The following DLG2 variants were observed in gnomAD, a reference collection of about 807,000 sequenced individuals.
DLG2 encodes discs large MAGUK scaffold protein 2, also known as disks large homolog 2.
DLG2 carries 45 observed loss-of-function variants against 132.5 expected under a neutral mutation model. The ratio of observed to expected loss-of-function variants is 0.34; its 90% CI spans 0.27 to 0.44. The LOEUF is 0.44. Ranked by LOEUF, DLG2 falls within the 20% of genes least tolerant of loss-of-function variation. The pLI, the probability that DLG2 is intolerant of heterozygous loss-of-function variation, is 1.00. For synonymous variants in DLG2, 424 were observed against 419.6 expected (o/e 1.01, Z -0.13); for missense variants, 1,045 against 1,196.9 (o/e 0.87, Z 1.87).
At chr11:85,243,251 G>T (rs1289380910) in intron 4 of DLG2, among the ~76,000 whole-genome samples, 1 of 151,808 alleles carries the variant, frequency 6.6e-6, no homozygotes, top group Non-Finnish European at 1.5e-5. Context: ...TGCTAATTTT[G>T]CATTTCATTA....
At chr11:84,922,030 T>C (rs367870753) in intron 6 of DLG2, among the ~76,000 whole-genome samples, 2 of 152,174 alleles carry the variant, frequency 1.3e-5, no homozygotes, top group East Asian at 3.9e-4. Flanking sequence ...GAAATTCAAA[T>C]AGAAAACAGA....
chr11:83,994,095 C>A (rs1438362717), intron 11 of DLG2, among the ~76,000 whole-genome samples: 1 of 152,134 alleles, frequency 6.6e-6, no homozygotes, highest in Non-Finnish European at 1.5e-5. Flanking sequence ...CTGACCACAT[C>A]TAACGGTTTA....
At chr11:84,378,091 T>C (rs2098736144) in intron 7 of DLG2, among the ~76,000 whole-genome samples, 1 of 152,186 alleles carries the variant, frequency 6.6e-6, no homozygotes, top group African/African-American at 2.4e-5. Context: ...TCCAAATTCA[T>C]ATATTGAAGC....
intron 6 of DLG2, among the ~76,000 whole-genome samples, chr11:84,573,553 C>G (rs1422520916): frequency 4.6e-5 from 7 of 151,892 alleles, no homozygotes; most frequent in Non-Finnish European, 1.0e-4. Context: ...TCAGATACTG[C>G]TGAGAAAAAA....
chr11:85,539,960 C>T (rs572974327), intron 3 of DLG2, among the ~76,000 whole-genome samples: 3 of 152,166 alleles, frequency 2.0e-5, no homozygotes, highest in African/African-American at 4.8e-5. Flanking sequence ...TTTGCGAGTG[C>T]AAAAACATCT....
chr11:84,456,010 G>A (rs983878949), intron 7 of DLG2, among the ~76,000 whole-genome samples: 4 of 151,234 alleles, frequency 2.6e-5, no homozygotes, highest in African/African-American at 9.7e-5. Flanking sequence ...CCATGAAAAT[G>A]AGCATAACCC....
intron 9 of DLG2, among the ~76,000 whole-genome samples, chr11:84,106,813 C>A (rs2092947096): frequency 1.5e-5 from 2 of 132,824 alleles, no homozygotes; most frequent in African/African-American, 5.3e-5. Context: ...AGATTATTAT[C>A]TGTGTGTGTG....
chr11:84,134,105 G>T (rs562350165), intron 9 of DLG2, among the ~76,000 whole-genome samples: 1 of 152,004 alleles, frequency 6.6e-6, no homozygotes, highest in African/African-American at 2.4e-5. Context: ...AGCTACAAAA[G>T]ATACTACCCT....
At chr11:85,467,467 A>G (rs1165644007) in intron 3 of DLG2, among the ~76,000 whole-genome samples, 3 of 152,126 alleles carry the variant, frequency 2.0e-5, no homozygotes, top group African/African-American at 7.2e-5. Context: ...ATCTCTTATT[A>G]TTTTGAGATA....
intron 18 of DLG2, among the ~76,000 whole-genome samples, chr11:83,738,782 C>A (rs2092241752): frequency 6.6e-6 from 1 of 152,148 alleles, no homozygotes; most frequent in African/African-American, 2.4e-5. Flanking sequence ...GCTCCTCTCC[C>A]ATCATAGCTG....
intron 6 of DLG2, among the ~76,000 whole-genome samples, chr11:85,067,930 G>A (rs2065179478): frequency 6.6e-6 from 1 of 151,988 alleles, no homozygotes; most frequent in South Asian, 2.1e-4. Flanking sequence ...GAATATAGCA[G>A]CACATCAAAA....
chr11:83,747,318 T>TCCTTCCTG (rs1198697950), intron 18 of DLG2, among the ~76,000 whole-genome samples: 10 of 122,896 alleles, frequency 8.1e-5, no homozygotes, highest in South Asian at 7.3e-4. Flanking sequence ...CTTCCTTCCT[T>TCCTTCCTG]CCTTCCTTCC....
intron 9 of DLG2, among the ~76,000 whole-genome samples, chr11:84,101,820 G>A (rs2092551887): frequency 6.6e-6 from 1 of 152,100 alleles, no homozygotes; most frequent in Non-Finnish European, 1.5e-5. Context: ...GGCAAGCAGA[G>A]ATTGGGAGAT....
At chr11:83,650,565 C>T (rs2069906597) in intron 18 of DLG2, among the ~76,000 whole-genome samples, 1 of 152,130 alleles carries the variant, frequency 6.6e-6, no homozygotes, top group South Asian at 2.1e-4. Context: ...CTGTAATAAG[C>T]CACTAAATTT....
At chr11:84,311,024 C>T (rs371349645) in intron 7 of DLG2, among the ~76,000 whole-genome samples, 1 of 152,150 alleles carries the variant, frequency 6.6e-6, no homozygotes, top group African/African-American at 2.4e-5. Context: ...GGGAATGCTA[C>T]TTCATCAACA....
At chr11:84,991,487 C>T (rs1422054985) in intron 6 of DLG2, among the ~76,000 whole-genome samples, 1 of 118,634 alleles carries the variant, frequency 8.4e-6, no homozygotes, top group East Asian at 2.6e-4. Flanking sequence ...TCAGCCTGGG[C>T]AACAGAGTGA....
chr11:85,604,933 A>G (rs1435696037), intron 2 of DLG2, among the ~76,000 whole-genome samples: 1 of 152,212 alleles, frequency 6.6e-6, no homozygotes, highest in Non-Finnish European at 1.5e-5. Context: ...AGAAAAGAAA[A>G]TGATGATACA....
At position 84,179,979 on chromosome 11, in the gene DLG2, T is replaced by G. The variant is rs566481597; in HGVS notation, c.574-16468A>C. 6.6e-5 allele frequency among the ~76,000 whole-genome samples: 10 copies of G among 152,264 alleles called. No individual in the cohort carries two copies. The East Asian group carries it at 1.9e-3, about 29-fold the overall frequency. ...CCAAAGATCTATTCAAAACAGCTCC[T>G]TTTATTCAGTTCATTATGTCATTTT... is the stretch of plus-strand genomic sequence containing the variant. On this transcript the variant is annotated intron_variant, in intron 8 of 27. Coordinates refer to ENST00000376104, the MANE Select transcript of DLG2 (RefSeq NM_001142699.3).
chr11:84,016,361 C>A (rs1359047380), intron 11 of DLG2, among the ~76,000 whole-genome samples: 7 of 151,628 alleles, frequency 4.6e-5, no homozygotes, highest in Admixed American at 2.6e-4. Flanking sequence ...TTCTTATATC[C>A]CATATGTCAA....
Sources: allele counts gnomAD v4.1 joint callset (sites outside exome capture counted in the v4.1 genomes callset), GRCh38; gene constraint gnomAD v4.1.1; transcripts MANE v1.5; gene names NCBI Gene and HGNC (gene_info 2026-07-23, HGNC 2026-07-21).